LDLRAD4: variants seen among roughly 807,000 people sequenced by gnomAD.
The protein encoded by LDLRAD4 is low-density lipoprotein receptor class A domain-containing protein 4.
A neutral mutation model predicts 17.0 loss-of-function variants in LDLRAD4; 5 were observed. The ratio of observed to expected loss-of-function variants is 0.29; its 90% CI spans 0.15 to 0.62. LDLRAD4 has a LOEUF of 0.62. Among genes scored for constraint, LDLRAD4 ranks in the 20% least tolerant of loss-of-function variants. LDLRAD4 has a pLI of 0.84. For missense variants in LDLRAD4, 340 were observed against 424.7 expected (o/e 0.80, Z 1.75); for synonymous variants, 168 against 171.8 (o/e 0.98, Z 0.17).
At chr18:13,276,546 C>G (rs2044877307), upstream of LDLRAD4, among the ~76,000 whole-genome samples, 1 of 152,180 alleles carries the variant, frequency 6.6e-6, no homozygotes, top group Admixed American at 6.5e-5. Flanking sequence ...TGGCAGAATT[C>G]ATTGACTTGT....
exon 2 of LDLRAD4, chr18:13,387,455 T>C (rs966960803): frequency 1.5e-5 from 6 of 398,000 alleles, no homozygotes; most frequent in Non-Finnish European, 2.7e-5. Context: ...TCTGAGGGCC[T>C]GAGGGCCAGC....
Position 13,621,698 on chromosome 18 carries a change from C to A in LDLRAD4, c.336+427C>A, listed in dbSNP as rs769022170. On this transcript the variant is annotated intron_variant, in intron 4 of 5. Transcript: ENST00000359446. This position sits in a 1 kb window ranked among gnomAD's most constrained non-coding sequence, Gnocchi z 5.5. ...CTGCGGGGACAAATCACGCGCTCAT[C>A]GTCACTAAACGTGCCGGCAGCACAT... Among the ~76,000 whole-genome samples the A allele has an allele frequency of 6.6e-6, 1 of 152,142 alleles. No individual in the cohort carries two copies. The highest frequency in any genetic ancestry group is 2.1e-4 in the South Asian group (1 of 4,820).
intron 1 of LDLRAD4, among the ~76,000 whole-genome samples, chr18:13,236,121 A>G (rs2042316664): frequency 6.6e-6 from 1 of 152,050 alleles, no homozygotes; most frequent in Non-Finnish European, 1.5e-5. Context: ...TGGAGTTGCT[A>G]TGGGGATAGC....
At chr18:13,610,291 T>C (rs1166511690) in intron 3 of LDLRAD4, among the ~76,000 whole-genome samples, 1,932 of 67,034 alleles carry the variant, frequency 0.029, 108 homozygotes, top group Non-Finnish European at 0.042. Context: ...TTTTTTTTTT[T>C]TTTTTTTTTT....
At chr18:13,562,535 GAC>G (rs947340125) in intron 3 of LDLRAD4, among the ~76,000 whole-genome samples, 1 of 152,188 alleles carries the variant, frequency 6.6e-6, no homozygotes, top group African/African-American at 2.4e-5. Flanking sequence ...GACTGATGAT[GAC>G]AGTCAGGCTC....
intron 2 of LDLRAD4, among the ~76,000 whole-genome samples, chr18:13,414,079 G>T (rs1485959023): frequency 6.6e-6 from 1 of 152,212 alleles, no homozygotes; most frequent in African/African-American, 2.4e-5. Flanking sequence ...AGTCCACCAT[G>T]CTTTGTTCCA....
intron 2 of LDLRAD4, among the ~76,000 whole-genome samples, chr18:13,433,602 T>A (rs991873086): frequency 1.3e-5 from 2 of 152,230 alleles, no homozygotes; most frequent in Non-Finnish European, 2.9e-5. Flanking sequence ...TGATTTGTCC[T>A]GCTTAAGATT....
chr18:13,387,477 C>T (rs975084103), exon 2 of LDLRAD4: 8 of 440,938 alleles, frequency 1.8e-5, no homozygotes, highest in African/African-American at 1.1e-4. Flanking sequence ...CCTCCACCCG[C>T]GCCATGGCCT....
intron 3 of LDLRAD4, among the ~76,000 whole-genome samples, chr18:13,608,350 G>C (rs1191487562): frequency 6.6e-6 from 1 of 151,692 alleles, no homozygotes; most frequent in Non-Finnish European, 1.5e-5. Flanking sequence ...GGCAACTGGA[G>C]GGGGAGGCAG....
intron 3 of LDLRAD4, chr18:13,561,576 A>C (rs754175257): frequency 1.3e-5 from 2 of 152,256 alleles, no homozygotes; most frequent in Non-Finnish European, 2.9e-5. Flanking sequence ...AGTGTACTTC[A>C]TCATCGGGAG....
chr18:13,548,578 G>C (rs1429117703), intron 3 of LDLRAD4, among the ~76,000 whole-genome samples: 2 of 152,280 alleles, frequency 1.3e-5, no homozygotes, highest in Non-Finnish European at 2.9e-5. Context: ...ATTGGAGTGG[G>C]TGCTGGGAGT....
At chr18:13,227,077 A>G (rs1380461544) in intron 1 of LDLRAD4, among the ~76,000 whole-genome samples, 1 of 152,160 alleles carries the variant, frequency 6.6e-6, no homozygotes, top group Non-Finnish European at 1.5e-5. Flanking sequence ...TGATGGGCAG[A>G]CAGAAAATTC....
intron 3 of LDLRAD4, among the ~76,000 whole-genome samples, chr18:13,535,078 A>T (rs1390482580): frequency 6.6e-6 from 1 of 152,132 alleles, no homozygotes; most frequent in Non-Finnish European, 1.5e-5. Context: ...CCACTCATCC[A>T]TTGACGGAAC....
intron 2 of LDLRAD4, among the ~76,000 whole-genome samples, chr18:13,396,957 A>C (rs2086751221): frequency 6.6e-6 from 1 of 152,226 alleles, no homozygotes; most frequent in Non-Finnish European, 1.5e-5. Context: ...TGTATTTTAA[A>C]GAATTCCTTT....
intron 2 of LDLRAD4, among the ~76,000 whole-genome samples, chr18:13,408,202 C>T (rs1037139617): frequency 6.6e-6 from 1 of 151,774 alleles, no homozygotes; most frequent in South Asian, 2.1e-4. Flanking sequence ...GGCGAAACCC[C>T]GTCTCTACAA....
intron 1 of LDLRAD4, among the ~76,000 whole-genome samples, chr18:13,361,744 AAAT>A (rs1446943558): frequency 6.6e-6 from 1 of 152,088 alleles, no homozygotes; most frequent in Non-Finnish European, 1.5e-5. Context: ...GTAGGATGAG[AAAT>A]AATGAGTTGC....
At chr18:13,397,744 A>G (rs2086816121) in intron 2 of LDLRAD4, among the ~76,000 whole-genome samples, 1 of 152,236 alleles carries the variant, frequency 6.6e-6, no homozygotes, top group African/African-American at 2.4e-5. Context: ...GCACGGTGCT[A>G]CCACGGCGCA....
At chr18:13,611,605 A>G (rs1043206452) in intron 3 of LDLRAD4, 66 of 985,410 alleles carry the variant, frequency 6.7e-5, no homozygotes, top group Non-Finnish European at 7.2e-5. Flanking sequence ...CTCTGCTTTC[A>G]TGTTTGAATT....
intron 2 of LDLRAD4, chr18:13,420,324 T>G (rs770740805): frequency 2.6e-5 from 4 of 151,824 alleles, no homozygotes; most frequent in Non-Finnish European, 5.9e-5. Flanking sequence ...AACACTACAT[T>G]GATGCTGTTG....
Sources: allele counts gnomAD v4.1 joint callset (sites outside exome capture counted in the v4.1 genomes callset), GRCh38; gene constraint gnomAD v4.1.1; non-coding constraint Gnocchi (gnomAD v3.1); transcripts MANE v1.5; gene names NCBI Gene and HGNC (gene_info 2026-07-23, HGNC 2026-07-21).